The following NDUFAF1 variants were observed in gnomAD, a reference collection of about 807,000 sequenced individuals.
The protein encoded by NDUFAF1 is complex I intermediate-associated protein 30, mitochondrial.
A neutral mutation model predicts 28.7 loss-of-function variants in NDUFAF1; 18 were observed. That is an observed-to-expected ratio of 0.63 (90% CI 0.43 to 0.93). The LOEUF is 0.93. Among genes scored for constraint, NDUFAF1 ranks in the 40% least tolerant of loss-of-function variants. The pLI is 0.00. For synonymous variants in NDUFAF1, 113 were observed against 139.7 expected (o/e 0.81, Z 1.35); for missense variants, 404 against 398.3 (o/e 1.01, Z -0.12).
chr15:41,398,357 G>A (rs1166380341), intron 1 of NDUFAF1, among the ~76,000 whole-genome samples: 12 of 151,062 alleles, frequency 7.9e-5, no homozygotes, highest in South Asian at 4.2e-4. Flanking sequence ...GGTGGCAGAC[G>A]CCTGTAATCC....
chr15:41,388,979 CT>C (rs1359393746), intron 3 of NDUFAF1, among the ~76,000 whole-genome samples: 1 of 152,126 alleles, frequency 6.6e-6, no homozygotes. Flanking sequence ...TACTCTTGAA[CT>C]TTCAAGTGTG....
intron 3 of NDUFAF1, among the ~76,000 whole-genome samples, chr15:41,391,958 G>A (rs1236517196): frequency 6.6e-6 from 1 of 152,170 alleles, no homozygotes; most frequent in East Asian, 1.9e-4. Flanking sequence ...GTGGAGGAAG[G>A]AGGTAGGAGG....
chr15:41,390,123 T>TGA (rs1215530678), intron 3 of NDUFAF1, among the ~76,000 whole-genome samples: 16 of 151,998 alleles, frequency 1.1e-4, no homozygotes, highest in Non-Finnish European at 2.1e-4. Flanking sequence ...GCCACCACAC[T>TGA]GGGCTAATTT....
chr15:41,390,739 T>C (rs1453417879), intron 3 of NDUFAF1, among the ~76,000 whole-genome samples: 3 of 124,048 alleles, frequency 2.4e-5, no homozygotes, highest in Admixed American at 8.4e-5. Flanking sequence ...AAAAAAAAAA[T>C]AGTATTTTAT....
At chr15:41,402,068 G>A (rs1018720572) in intron 1 of NDUFAF1, 76 bp downstream of exon 1, 3 of 370,722 alleles carry the variant, frequency 8.1e-6, no homozygotes, top group Middle Eastern at 1.9e-3. Context: ...ACCGCCCTGA[G>A]GTTGACGGTG....
chr15:41,398,301 T>A (rs1393454351), intron 1 of NDUFAF1, among the ~76,000 whole-genome samples: 2 of 149,070 alleles, frequency 1.3e-5, no homozygotes, highest in Non-Finnish European at 3.0e-5. Context: ...AGACCAGCCT[T>A]GACAACATGG....
At chr15:41,398,865 G>GA (rs984049609) in intron 1 of NDUFAF1, among the ~76,000 whole-genome samples, 3 of 151,930 alleles carry the variant, frequency 2.0e-5, no homozygotes, top group African/African-American at 7.3e-5. Context: ...TGAGGCAGGA[G>GA]AATCACTTGA....
At position 41,394,949 on chromosome 15, in the gene NDUFAF1, G is replaced by C; in HGVS notation, c.669C>G (p.Ile223Met). ...TCTGGAAGAAATCTGTGTCCTCCTT[G>C]ATATTCACCATCCAAGGCCGACCAT... Reference protein sequence around the residue: ...RGDGRPWMVNIKEDTDFFQRT... With the variant: ...RGDGRPWMVNMKEDTDFFQRT... The change falls in exon 3 of 5, where the codon ATC (isoleucine) becomes ATG (methionine). Residue 223 changes from isoleucine (I) to methionine (M), a missense_variant. Transcript: ENST00000260361. 6.2e-7 allele frequency: 1 copy of C among 1,614,074 alleles called. No individual in the cohort carries two copies. Among genetic ancestry groups the C allele is most frequent in the Non-Finnish European group, 8.5e-7 (1 of 1,180,010 alleles).
chr15:41,388,940 C>T (rs2050285549), intron 3 of NDUFAF1, among the ~76,000 whole-genome samples: 1 of 152,038 alleles, frequency 6.6e-6, no homozygotes, highest in Non-Finnish European at 1.5e-5. Context: ...ACATTAGAAA[C>T]TGAACTAAAA....
At chr15:41,402,500 T>G (rs1374780554), upstream of NDUFAF1, 2 of 340,238 alleles carry the variant, frequency 5.9e-6, no homozygotes, top group African/African-American at 4.3e-5. Flanking sequence ...CCCGTATAGG[T>G]CCATCTGCTT....
intron 1 of NDUFAF1, among the ~76,000 whole-genome samples, chr15:41,401,261 CCCAA>C (rs1463744652): frequency 1.1e-4 from 16 of 149,346 alleles, no homozygotes; most frequent in African/African-American, 3.9e-4. Context: ...AGCCACGGCG[CCCAA>C]CCTTTTTTTT....
intron 3 of NDUFAF1, among the ~76,000 whole-genome samples, chr15:41,389,460 A>G (rs1432202127): frequency 6.6e-6 from 1 of 152,052 alleles, no homozygotes; most frequent in Non-Finnish European, 1.5e-5. Context: ...AATTTTATTT[A>G]TATTTTGAGT....
rs1205887157 is a variant in NDUFAF1, at chr15:41,402,481, G to A, written c.-419C>T. On this transcript the variant is annotated 5_prime_UTR_variant, in exon 1 of 5. Transcript: ENST00000260361. ...CCTATAGTGTACCTTCCGCCCAGAA[G>A]CCACTTTACCCGTATAGGTCCATCT... The A allele has an allele frequency of 3.4e-5, 13 of 379,260 alleles. No individual in the cohort carries two copies. The Admixed American group carries it at 3.6e-4, about 10-fold the overall frequency. 23.5% of individuals were successfully genotyped at this position (379,260 alleles called of 1,614,324 possible).
rs749061069 is a variant in NDUFAF1, at chr15:41,387,389, A to T, written c.*55T>A. ...TAAAGAAATATTTTATTTTGTCTAT[A>T]TCATTGTAGATGCTAGTACCCTTAG... is the stretch of plus-strand genomic sequence containing the variant. On this transcript the variant is annotated 3_prime_UTR_variant, in exon 5 of 5. Coordinates refer to ENST00000260361, the MANE Select transcript of NDUFAF1 (RefSeq NM_016013.4). The T allele has an allele frequency of 6.7e-7, 1 of 1,502,110 alleles. No individual in the cohort carries two copies. The highest frequency in any genetic ancestry group is 1.1e-5 in the South Asian group (1 of 88,566). 93.0% of individuals were successfully genotyped at this position (1,502,110 alleles called of 1,614,324 possible).
In NDUFAF1 at chr15:41,395,050, A is replaced by T; in HGVS notation, c.574-6T>A. The T allele has an allele frequency of 2.5e-6, 4 of 1,613,248 alleles. No homozygotes were observed. Among genetic ancestry groups the T allele is most frequent in the Non-Finnish European group, 3.4e-6 (4 of 1,179,536 alleles). On this transcript the variant is annotated splice_polypyrimidine_tract_variant and splice_region_variant and intron_variant, in intron 2 of 4. Coordinates refer to ENST00000260361, the MANE Select transcript of NDUFAF1 (RefSeq NM_016013.4). ...ATCTTCCTCTCAAAAGCACCCTAAG[A>T]TATTGAAAGTAAAGTTCATTGTACC...
chr15:41,400,264 G>C (rs941094222), intron 1 of NDUFAF1, among the ~76,000 whole-genome samples: 1 of 150,914 alleles, frequency 6.6e-6, no homozygotes, highest in African/African-American at 2.4e-5. Context: ...CCAGCTACTT[G>C]GGAGGCTAAG....
At chr15:41,395,413 A>C (rs1385367033) in intron 2 of NDUFAF1, among the ~76,000 whole-genome samples, 1 of 147,368 alleles carries the variant, frequency 6.8e-6, no homozygotes, top group Non-Finnish European at 1.5e-5. Flanking sequence ...TCTGTCACCC[A>C]GGCTGGAGTG....
At chr15:41,399,668 A>G (rs1248774261) in intron 1 of NDUFAF1, among the ~76,000 whole-genome samples, 1 of 150,388 alleles carries the variant, frequency 6.6e-6, no homozygotes, top group Admixed American at 6.6e-5. Context: ...TCCCGGCTAA[A>G]ACGGTGAAAC....
intron 2 of NDUFAF1, 151 bp downstream of exon 2, chr15:41,396,336 A>G: frequency 6.8e-6 from 5 of 736,640 alleles, no homozygotes; most frequent in South Asian, 5.5e-5. Context: ...ACTTGTGCCA[A>G]TAGTTACTTA....
Sources: gnomAD v4.1 joint callset for allele counts (sites outside exome capture counted in the v4.1 genomes callset) on GRCh38, gnomAD v4.1.1 for gene constraint, MANE v1.5 for transcripts, NCBI Gene and HGNC (gene_info 2026-07-23, HGNC 2026-07-21) for gene names.